Variants in ZHX3 observed in about 807,000 individuals in gnomAD.
ZHX3 encodes the protein zinc fingers and homeoboxes protein 3.
Under a neutral mutation model 64.5 loss-of-function variants are expected in ZHX3, and 20 were observed. The observed-to-expected ratio is 0.31, with a 90% confidence interval of 0.22 to 0.45. The LOEUF is 0.45. ZHX3 is among the 20% of genes least tolerant of loss of function. The probability of loss-of-function intolerance (pLI) is 1.00; values close to 1 mark genes in which losing one functional copy is unlikely to be tolerated. For missense variants in ZHX3, 1,041 were observed against 1,195.8 expected (o/e 0.87, Z 1.91); for synonymous variants, 423 against 461.6 (o/e 0.92, Z 1.07).
chr20:41,263,427 C>T (rs2042663637), intron 2 of ZHX3, among the ~76,000 whole-genome samples: 1 of 148,150 alleles, frequency 6.7e-6, no homozygotes, highest in Non-Finnish European at 1.5e-5. Context: ...TGGAGTCTCG[C>T]TCTGTTGCCC....
chr20:41,300,356 A>G (rs2044756673), intron 1 of ZHX3, among the ~76,000 whole-genome samples: 1 of 152,196 alleles, frequency 6.6e-6, no homozygotes, highest in Admixed American at 6.5e-5. Context: ...ATCTGTTCAT[A>G]GAATATATTA....
chr20:41,199,753 C>T (rs1463923167), intron 3 of ZHX3, among the ~76,000 whole-genome samples: 7 of 149,462 alleles, frequency 4.7e-5, no homozygotes, highest in East Asian at 2.0e-4. Flanking sequence ...CAGGCTGGAA[C>T]GCAGTGGTGT....
At position 41,228,300 on chromosome 20, in the gene ZHX3, C is replaced by T. The variant is rs370648499; in HGVS notation, c.-150-23234G>A. ...AACTACATGCATAAATTTCTGGCTC[C>T]GTTGACCCTGGCACTCACCCTTCCA... On this transcript the variant is annotated intron_variant, in intron 2 of 3. Coordinates refer to ENST00000683867, the MANE Select transcript of ZHX3 (RefSeq NM_001384317.1). The surrounding 1 kb of genome is among the most constrained non-coding windows in gnomAD (Gnocchi z 4.6). Among the ~76,000 whole-genome samples, 80 of 152,226 alleles carry T rather than the reference C, an allele frequency of 5.3e-4. 1 individual carries two copies. The highest frequency in any genetic ancestry group is 4.8e-3 in the East Asian group (25 of 5,184).
At chr20:41,291,384 T>A (rs1347607684) in intron 1 of ZHX3, among the ~76,000 whole-genome samples, 1 of 152,194 alleles carries the variant, frequency 6.6e-6, no homozygotes. Flanking sequence ...CGGCAGCATC[T>A]CTAAGAAGAT....
At chr20:41,249,927 C>G (rs867723329) in intron 2 of ZHX3, among the ~76,000 whole-genome samples, 5 of 152,182 alleles carry the variant, frequency 3.3e-5, no homozygotes, top group South Asian at 2.1e-4. Flanking sequence ...CAACCCCCAA[C>G]CTAGCAACAG....
chr20:41,209,853 A>C (rs2146275969), intron 2 of ZHX3, among the ~76,000 whole-genome samples: 1 of 152,352 alleles, frequency 6.6e-6, no homozygotes, highest in East Asian at 1.9e-4. Context: ...ATGGGATCTA[A>C]TTAAACTAAA....
chr20:41,235,189 A>ATAG (rs2040888780), intron 2 of ZHX3, among the ~76,000 whole-genome samples: 1 of 152,156 alleles, frequency 6.6e-6, no homozygotes, highest in Admixed American at 6.5e-5. Flanking sequence ...GTTCTATGGC[A>ATAG]AACAACAACA....
At chr20:41,286,561 ATTCTT>A (rs10598245) in intron 1 of ZHX3, among the ~76,000 whole-genome samples, 7,744 of 152,136 alleles carry the variant, frequency 0.051, 643 homozygotes, top group African/African-American at 0.18. Flanking sequence ...CCTTCTCTCT[ATTCTT>A]TTCTTATCTC....
intron 1 of ZHX3, among the ~76,000 whole-genome samples, chr20:41,294,844 T>G (rs1250086950): frequency 6.6e-6 from 1 of 151,958 alleles, no homozygotes; most frequent in Non-Finnish European, 1.5e-5. Context: ...CATACGCATG[T>G]GCCATCACAC....
At chr20:41,241,322 A>G (rs1217847794) in intron 2 of ZHX3, among the ~76,000 whole-genome samples, 2 of 152,188 alleles carry the variant, frequency 1.3e-5, no homozygotes, top group Admixed American at 6.5e-5. Flanking sequence ...AGAAATGTCT[A>G]TTCAAATCCC....
chr20:41,235,418 C>CTA (rs1419609969), intron 2 of ZHX3, among the ~76,000 whole-genome samples: 2 of 152,178 alleles, frequency 1.3e-5, no homozygotes, highest in Non-Finnish European at 2.9e-5. Context: ...AAAAGCTTAT[C>CTA]TACCATGACC....
At chr20:41,275,018 G>A (rs192688474) in intron 1 of ZHX3, among the ~76,000 whole-genome samples, 3 of 152,198 alleles carry the variant, frequency 2.0e-5, no homozygotes, top group East Asian at 1.9e-4. Flanking sequence ...TTAGCTGGGC[G>A]TGGAGGCGGG....
chr20:41,315,634 A>G (rs772282788), intron 1 of ZHX3, among the ~76,000 whole-genome samples: 6 of 152,118 alleles, frequency 3.9e-5, no homozygotes, highest in Non-Finnish European at 8.8e-5. Context: ...GAGGACTAAC[A>G]TGATCTGAAT....
intron 2 of ZHX3, among the ~76,000 whole-genome samples, chr20:41,241,107 G>C (rs919299332): frequency 2.6e-5 from 4 of 152,074 alleles, no homozygotes; most frequent in Non-Finnish European, 5.9e-5. Flanking sequence ...CTCCACAGTG[G>C]GAAATTACAT....
chr20:41,204,665 G>A lies in ZHX3; in HGVS notation c.252C>T (p.Phe84=). 2 of 1,614,260 alleles carry A rather than the reference G, an allele frequency of 1.2e-6. No individual in the cohort carries two copies. Among genetic ancestry groups the A allele is most frequent in the East Asian group, 4.5e-5 (2 of 44,890 alleles). The change falls in exon 3 of 4, where the codon TTC becomes TTT. Residue 84 remains phenylalanine (F), a synonymous_variant. Transcript: ENST00000683867. The surrounding 1 kb of genome is among the most constrained non-coding windows in gnomAD (Gnocchi z 6.6). ...CAAATTGGGTCATGTCATGGGATCT[G>A]AAATCGCAGTATTTACAGGAATATA... ...GYLYSCKYCD[F]RSHDMTQFVG...
At chr20:41,227,634 C>G (rs2040355323) in intron 2 of ZHX3, among the ~76,000 whole-genome samples, 1 of 152,192 alleles carries the variant, frequency 6.6e-6, no homozygotes, top group African/African-American at 2.4e-5. Flanking sequence ...CTAAGAGCTT[C>G]TCTTGATGTC....
At chr20:41,237,778 TAAAGA>T (rs1209367324) in intron 2 of ZHX3, among the ~76,000 whole-genome samples, 3 of 152,112 alleles carry the variant, frequency 2.0e-5, no homozygotes, top group Admixed American at 6.5e-5. Context: ...TAAAATAAAA[TAAAGA>T]AAATATGTTT....
At chr20:41,199,833 T>C (rs2038074787) in intron 3 of ZHX3, among the ~76,000 whole-genome samples, 1 of 151,994 alleles carries the variant, frequency 6.6e-6, no homozygotes, top group South Asian at 2.1e-4. Context: ...CCCAAATAGC[T>C]GGGATTACAG....
At chr20:41,197,716 T>C (rs1272058056) in intron 3 of ZHX3, among the ~76,000 whole-genome samples, 1 of 152,052 alleles carries the variant, frequency 6.6e-6, no homozygotes, top group Non-Finnish European at 1.5e-5. Context: ...GTTTTTAATA[T>C]GTCTTATATG....
Sources: gnomAD v4.1 joint callset for allele counts (sites outside exome capture counted in the v4.1 genomes callset) on GRCh38, gnomAD v4.1.1 for gene constraint, Gnocchi (gnomAD v3.1) non-coding constraint, MANE v1.5 for transcripts, NCBI Gene and HGNC (gene_info 2026-07-23, HGNC 2026-07-21) for gene names.